PTPRT: variants seen among roughly 807,000 people sequenced by gnomAD.
PTPRT encodes receptor-type tyrosine-protein phosphatase T.
Under a neutral mutation model 176.8 loss-of-function variants are expected in PTPRT, and 56 were observed. The ratio of observed to expected loss-of-function variants is 0.32; its 90% CI spans 0.26 to 0.40. The LOEUF is 0.40. Among genes scored for constraint, PTPRT ranks in the 10% least tolerant of loss-of-function variants. The pLI is 1.00. For missense variants in PTPRT, 1,540 were observed against 1,908.2 expected, an observed-to-expected ratio of 0.81 and a Z score of 3.60; for synonymous variants, 783 against 739.0, an observed-to-expected ratio of 1.06 and a Z score of -0.96.
chr20:42,122,165 T>C (rs889901834), intron 19 of PTPRT, among the ~76,000 whole-genome samples: 15 of 152,342 alleles, frequency 9.8e-5, no homozygotes, highest in African/African-American at 3.6e-4. Flanking sequence ...TCTCTAAATC[T>C]ATAAAATTAA....
rs564867535 is a variant in PTPRT at position 43,006,100 on chromosome 20, G to T, written c.89-120168C>A. Among the ~76,000 whole-genome samples, 536 of 152,278 alleles carry T rather than the reference G, an allele frequency of 3.5e-3. 1 individual carries two copies. Among genetic ancestry groups the T allele is most frequent in the Middle Eastern group, 6.8e-3 (2 of 294 alleles). ...ATAGAGGAAGCATATATTACAAAAT[G>T]AGTCATGGTTTGTCTTCTTTCATAT... On this transcript the variant is annotated intron_variant, in intron 1 of 30. Coordinates refer to ENST00000373187, the MANE Select transcript of PTPRT (RefSeq NM_007050.6).
chr20:42,086,522 G>C (rs1983925245), intron 27 of PTPRT, among the ~76,000 whole-genome samples: 1 of 151,642 alleles, frequency 6.6e-6, no homozygotes, highest in Non-Finnish European at 1.5e-5. Context: ...ACATGCTAAA[G>C]AAAGGGCAAG....
intron 1 of PTPRT, among the ~76,000 whole-genome samples, chr20:43,138,446 T>C (rs912390691): frequency 1.3e-5 from 2 of 152,134 alleles, no homozygotes; most frequent in Admixed American, 6.5e-5. Context: ...GGCCACCCTG[T>C]CTCCATGAGC....
intron 13 of PTPRT, among the ~76,000 whole-genome samples, chr20:42,267,661 G>A (rs2056862072): frequency 6.6e-6 from 1 of 152,102 alleles, no homozygotes; most frequent in African/African-American, 2.4e-5. Flanking sequence ...GAGAGGCAGG[G>A]TTGTTGCTAA....
rs2074058084 is a variant in PTPRT, at chr20:42,615,536, G to A, written c.1153+62330C>T. On this transcript the variant is annotated intron_variant, in intron 7 of 30. Coordinates refer to ENST00000373187, the MANE Select transcript of PTPRT (RefSeq NM_007050.6). ...CAGTGACTTCTACAATGGTTGAACT[G>A]GATTACAGTCCCACCAACAGTGTAA... Among the ~76,000 whole-genome samples, 2 of 138,372 alleles carry A rather than the reference G, an allele frequency of 1.4e-5. 1 individual carries two copies. Among genetic ancestry groups the A allele is most frequent in the South Asian group, 4.5e-4 (2 of 4,446 alleles). 90.8% of individuals were successfully genotyped at this position (138,372 alleles called of 152,430 possible).
chr20:42,937,650 G>A (rs1036315905), intron 1 of PTPRT, among the ~76,000 whole-genome samples: 7 of 152,228 alleles, frequency 4.6e-5, no homozygotes, highest in Non-Finnish European at 8.8e-5. Context: ...TCAGAGAGTT[G>A]AGAGCAGCTC....
chr20:42,945,363 T>C (rs538096588), intron 1 of PTPRT, among the ~76,000 whole-genome samples: 8 of 152,170 alleles, frequency 5.3e-5, no homozygotes, highest in Non-Finnish European at 1.2e-4. Context: ...CTGGATAGTT[T>C]ATCTCTGTTC....
intron 1 of PTPRT, among the ~76,000 whole-genome samples, chr20:42,951,266 G>C (rs1286459754): frequency 6.6e-6 from 1 of 151,950 alleles, no homozygotes; most frequent in Non-Finnish European, 1.5e-5. Flanking sequence ...TGGATGGATG[G>C]ATGGAGATGA....
intron 7 of PTPRT, among the ~76,000 whole-genome samples, chr20:42,669,215 C>A (rs2075372319): frequency 6.6e-6 from 1 of 152,090 alleles, no homozygotes; most frequent in Non-Finnish European, 1.5e-5. Flanking sequence ...AAGTGCTGGT[C>A]ATAATCCATC....
intron 2 of PTPRT, among the ~76,000 whole-genome samples, chr20:42,798,199 A>G (rs1021755549): frequency 2.6e-5 from 4 of 152,178 alleles, no homozygotes; most frequent in Non-Finnish European, 5.9e-5. Context: ...CATGGCTTTC[A>G]CTAATGTCCA....
chr20:42,391,403 A>G (rs1219499066), intron 9 of PTPRT, among the ~76,000 whole-genome samples: 1 of 152,166 alleles, frequency 6.6e-6, no homozygotes, highest in Non-Finnish European at 1.5e-5. Context: ...TGATGTCACA[A>G]TCTGAACACA....
At chr20:42,342,097 A>G (rs1300569092) in intron 11 of PTPRT, among the ~76,000 whole-genome samples, 2 of 152,166 alleles carry the variant, frequency 1.3e-5, no homozygotes, top group African/African-American at 4.8e-5. Context: ...TGTTTTCCTG[A>G]ACAATCATCT....
chr20:42,503,184 G>A (rs2071784433), intron 7 of PTPRT, among the ~76,000 whole-genome samples: 1 of 151,820 alleles, frequency 6.6e-6, no homozygotes, highest in African/African-American at 2.4e-5. Flanking sequence ...TTTCATTGAT[G>A]TATTCTCTAA....
chr20:42,655,855 A>G (rs1380612670), intron 7 of PTPRT, among the ~76,000 whole-genome samples: 1 of 152,216 alleles, frequency 6.6e-6, no homozygotes, highest in African/African-American at 2.4e-5. Flanking sequence ...AGGTAGGAAA[A>G]GTAGTCAGGC....
chr20:42,119,587 G>A (rs925654099), intron 20 of PTPRT, among the ~76,000 whole-genome samples: 7 of 152,092 alleles, frequency 4.6e-5, no homozygotes, highest in African/African-American at 1.4e-4. Context: ...CATCAGCTCC[G>A]GCCCTGGCAG....
At chr20:43,137,075 C>A (rs1481738031) in intron 1 of PTPRT, among the ~76,000 whole-genome samples, 1 of 152,188 alleles carries the variant, frequency 6.6e-6, no homozygotes, top group Non-Finnish European at 1.5e-5. Flanking sequence ...GGTCTTCTAC[C>A]TGTGACTACT....
intron 6 of PTPRT, among the ~76,000 whole-genome samples, chr20:42,750,515 C>T (rs2145379325): frequency 6.6e-6 from 1 of 152,208 alleles, no homozygotes; most frequent in African/African-American, 2.4e-5. Context: ...GTATTTAGAA[C>T]AATAATCCCT....
chr20:42,936,351 T>A (rs561476201), intron 1 of PTPRT, among the ~76,000 whole-genome samples: 15 of 152,298 alleles, frequency 9.8e-5, no homozygotes, highest in Non-Finnish European at 1.6e-4. Context: ...AAGCTGCAGA[T>A]GCAAGGGTCT....
At chr20:42,346,022 A>C (rs1462501457) in intron 11 of PTPRT, among the ~76,000 whole-genome samples, 2 of 152,168 alleles carry the variant, frequency 1.3e-5, no homozygotes, top group African/African-American at 2.4e-5. Flanking sequence ...CCAGCAGTTC[A>C]GTGGGGGGTG....
Sources: gnomAD v4.1 joint callset for allele counts (sites outside exome capture counted in the v4.1 genomes callset) on GRCh38, gnomAD v4.1.1 for gene constraint, MANE v1.5 for transcripts, NCBI Gene and HGNC (gene_info 2026-07-23, HGNC 2026-07-21) for gene names.